Variants in EVC observed in about 807,000 individuals in gnomAD.
EVC encodes EvC ciliary complex subunit 1, also known as evC complex member EVC.
EVC carries 116 observed loss-of-function variants against 118.9 expected under a neutral mutation model. The ratio of observed to expected loss-of-function variants is 0.98; its 90% confidence interval spans 0.84 to 1.14. The LOEUF (loss-of-function observed/expected upper bound fraction) is 1.14, where lower values mean the gene tolerates loss of function less well. Ranked by LOEUF, EVC falls within the 50% of genes most tolerant of loss-of-function variation. The pLI, the probability that EVC is intolerant of heterozygous loss-of-function variation, is 0.00. For missense variants in EVC, 1,401 were observed against 1,246.4 expected (o/e 1.12, Z -1.87); for synonymous variants, 619 against 534.7 (o/e 1.16, Z -2.18).
chr4:5,751,297 T>C (rs1450691189), intron 8 of EVC, among the ~76,000 whole-genome samples: 2 of 152,054 alleles, frequency 1.3e-5, no homozygotes, highest in African/African-American at 2.4e-5. Context: ...AGGGCCCCCT[T>C]CCCCCATTCC....
downstream of EVC, among the ~76,000 whole-genome samples, chr4:5,815,564 G>A (rs1444155466): frequency 6.6e-6 from 1 of 152,134 alleles, no homozygotes; most frequent in Non-Finnish European, 1.5e-5. Flanking sequence ...ATCCTTCCCA[G>A]ACTGGCCAAT....
chr4:5,797,315 A>T, intron 14 of EVC, 83 bp downstream of exon 14: 1 of 1,177,894 alleles, frequency 8.5e-7, no homozygotes, highest in Non-Finnish European at 1.2e-6. Flanking sequence ...GTTTGCCAGA[A>T]CCCGAATCCT....
chr4:5,735,256 T>C (rs1375421769), intron 5 of EVC, among the ~76,000 whole-genome samples: 1 of 152,168 alleles, frequency 6.6e-6, no homozygotes, highest in East Asian at 1.9e-4. Context: ...AGGGGGCACC[T>C]GAGGGAATGC....
At chr4:5,785,088 G>T (rs1434391665) in intron 12 of EVC, among the ~76,000 whole-genome samples, 1 of 152,122 alleles carries the variant, frequency 6.6e-6, no homozygotes, top group Non-Finnish European at 1.5e-5. Context: ...GAGTGACACT[G>T]CTCTGGCCTT....
chr4:5,802,687 AG>A (rs1194781381), intron 16 of EVC, among the ~76,000 whole-genome samples: 1 of 152,198 alleles, frequency 6.6e-6, no homozygotes, highest in African/African-American at 2.4e-5. Context: ...TCGCATGTGC[AG>A]TTTGAAATAG....
chr4:5,773,649 A>G (rs1190620516), intron 11 of EVC, among the ~76,000 whole-genome samples: 1 of 152,054 alleles, frequency 6.6e-6, no homozygotes, highest in Non-Finnish European at 1.5e-5. Context: ...GGGATCCCCC[A>G]TAGTCCCTGC....
chr4:5,808,136 T>TTCCCCC, intron 17 of EVC, 65 bp from the exon 18 acceptor site: 1 of 306,556 alleles, frequency 3.3e-6, no homozygotes, highest in Non-Finnish European at 6.8e-6. Flanking sequence ...TCCTTCTCCC[T>TTCCCCC]CCCTCCCTCC....
At chr4:5,782,691 G>A (rs1354194651) in intron 11 of EVC, among the ~76,000 whole-genome samples, 4 of 151,884 alleles carry the variant, frequency 2.6e-5, no homozygotes, top group Admixed American at 6.6e-5. Flanking sequence ...GATAAGACAA[G>A]AGGCAGGACA....
At chr4:5,730,518 G>A (rs1726623973) in intron 3 of EVC, among the ~76,000 whole-genome samples, 1 of 152,138 alleles carries the variant, frequency 6.6e-6, no homozygotes, top group African/African-American at 2.4e-5. Flanking sequence ...CCATCCTCTG[G>A]GTAGGCCCTG....
chr4:5,815,497 A>G (rs1717528144), downstream of EVC, among the ~76,000 whole-genome samples: 1 of 152,142 alleles, frequency 6.6e-6, no homozygotes, highest in Non-Finnish European at 1.5e-5. Context: ...TTAGAGGGTA[A>G]AGCGTGATTT....
chr4:5,811,403 C>G lies in EVC; in HGVS notation c.*366C>G. 3.1e-6 allele frequency: 1 copy of G among 323,496 alleles called. No individual in the cohort carries two copies. The highest frequency in any genetic ancestry group is 2.9e-5 in the South Asian group (1 of 33,922). The allele number at this position is 323,496 out of a possible 1,614,324, so 20.0% of individuals were successfully genotyped here. A position where few individuals can be genotyped will look rare whatever the true frequency, so the allele number is the denominator to read the frequency against. On this transcript the variant is annotated 3_prime_UTR_variant, in exon 21 of 21. Coordinates refer to ENST00000264956, the MANE Select transcript of EVC (RefSeq NM_153717.3). ...CCCTGGCCCAAAGGCCTGTCTGGGCCCATCTGGGGCTGAGGACACACAGAT... is the reference window on the plus strand; with the variant it reads ...CCCTGGCCCAAAGGCCTGTCTGGGCGCATCTGGGGCTGAGGACACACAGAT...
intron 12 of EVC, among the ~76,000 whole-genome samples, chr4:5,785,623 G>T (rs1415764637): frequency 6.6e-6 from 1 of 152,166 alleles, no homozygotes; most frequent in Non-Finnish European, 1.5e-5. Context: ...CGGTTGCCCT[G>T]TCGTAGGTGA....
At chr4:5,763,653 CTT>C (rs774310073) in intron 11 of EVC, among the ~76,000 whole-genome samples, 2,759 of 113,694 alleles carry the variant, frequency 0.024, 342 homozygotes, top group Middle Eastern at 0.073. Flanking sequence ...ATTTTATTCT[CTT>C]TGAAGCAATT....
At chr4:5,765,828 G>A (rs1307916222) in intron 11 of EVC, among the ~76,000 whole-genome samples, 2 of 150,408 alleles carry the variant, frequency 1.3e-5, no homozygotes, top group Non-Finnish European at 3.0e-5. Flanking sequence ...CCTGAGTACA[G>A]CACACTGATG....
At chr4:5,740,049 G>A (rs984571026) in intron 5 of EVC, among the ~76,000 whole-genome samples, 2 of 152,156 alleles carry the variant, frequency 1.3e-5, no homozygotes, top group African/African-American at 4.8e-5. Flanking sequence ...AAATGGTACT[G>A]GAGCAATTGG....
chr4:5,797,578 AT>A (rs1290337481), intron 14 of EVC, among the ~76,000 whole-genome samples: 1 of 152,190 alleles, frequency 6.6e-6, no homozygotes, highest in African/African-American at 2.4e-5. Flanking sequence ...GACACCAGGC[AT>A]ATTGGATCAA....
chr4:5,760,917 T>C (rs1477611577), intron 11 of EVC, among the ~76,000 whole-genome samples: 2 of 152,202 alleles, frequency 1.3e-5, no homozygotes, highest in Admixed American at 6.5e-5. Context: ...AGATTTACTT[T>C]GCCATTTCAT....
Position 5,814,068 on chromosome 4 carries a change from C to CTTGAAG in EVC, c.*3032_*3037dup, listed in dbSNP as rs1176863387. The CTTGAAG allele has an allele frequency of 1.3e-5, 2 of 152,402 alleles. No homozygotes were observed. The highest frequency in any genetic ancestry group is 3.9e-4 in the East Asian group (2 of 5,168). 9.4% of individuals were successfully genotyped at this position (152,402 alleles called of 1,614,324 possible). ...GGGGCTGCCCTGAAGCTGATGAAGG[C>CTTGAAG]TTGAAGGACGGAAGGGCTGAGCCAC... is the stretch of plus-strand genomic sequence containing the variant. On this transcript the variant is annotated 3_prime_UTR_variant, in exon 21 of 21. Coordinates refer to ENST00000264956, the MANE Select transcript of EVC (RefSeq NM_153717.3).
In EVC at chr4:5,798,476, C is replaced by T. The variant is rs1274056238; in HGVS notation, c.2098-110C>T. ...ACCTCTTTCTGCCCTTTCTCCATCC[C>T]TTTTCCAACCCCTGGGCCCTGGATA... On this transcript the variant is annotated intron_variant, in intron 14 of 20. Coordinates refer to ENST00000264956, the MANE Select transcript of EVC (RefSeq NM_153717.3). This position sits in a 1 kb window ranked among gnomAD's most constrained non-coding sequence, Gnocchi z 4.1. The T allele has an allele frequency of 1.7e-6, 2 of 1,171,472 alleles. No individual in the cohort carries two copies. The highest frequency in any genetic ancestry group is 1.2e-6 in the Non-Finnish European group (1 of 805,584). The allele number at this position is 1,171,472 out of a possible 1,614,324, so 72.6% of individuals were successfully genotyped here.
Sources: allele counts gnomAD v4.1 joint callset (sites outside exome capture counted in the v4.1 genomes callset), GRCh38; gene constraint gnomAD v4.1.1; non-coding constraint Gnocchi (gnomAD v3.1); transcripts MANE v1.5; gene names NCBI Gene and HGNC (gene_info 2026-07-23, HGNC 2026-07-21).